The following PKMYT1 variants were observed in gnomAD, a reference collection of about 807,000 sequenced individuals.
PKMYT1 encodes the protein protein kinase, membrane associated tyrosine/threonine 1.
A neutral mutation model predicts 49.7 loss-of-function variants in PKMYT1; 35 were observed. The observed-to-expected ratio is 0.70, with a 90% CI of 0.54 to 0.93. PKMYT1 has a LOEUF of 0.93. PKMYT1 is among the 40% of genes least tolerant of loss of function. PKMYT1 has a pLI of 0.00. For missense variants in PKMYT1, 677 were observed against 673.1 expected (o/e 1.01, Z -0.06); for synonymous variants, 331 against 287.6 (o/e 1.15, Z -1.53).
chr16:2,975,557 C>T lies in PKMYT1; in HGVS notation c.634G>A (p.Gly212Ser). ...GASLPEAQVW[G>S]YLRDTLLALA... ...GCAAGCAGCGTGTCCCGCAGGTAGC[C>T]CCAGACCTGGGCCTCAGGCAGGCTG... is the stretch of plus-strand genomic sequence containing the variant. The change falls in exon 4 of 9, where the codon GGC becomes AGC. Residue 212 changes from glycine to serine, a missense_variant. Gly to Ser is a moderately conservative substitution (Grantham distance 56). Coordinates refer to ENST00000262300, the MANE Select transcript of PKMYT1 (RefSeq NM_004203.5). The T allele has an allele frequency of 6.2e-7, 1 of 1,611,992 alleles. No individual in the cohort carries two copies. The highest frequency in any genetic ancestry group is 8.5e-7 in the Non-Finnish European group (1 of 1,179,846).
chr16:2,974,442 G>A (rs368474497), intron 5 of PKMYT1, 25 bp from the exon 6 acceptor site: 591 of 1,594,532 alleles, frequency 3.7e-4, no homozygotes, highest in Non-Finnish European at 4.8e-4. Flanking sequence ...GGGCCACATC[G>A]GGGTCCCAGA....
Position 2,976,787 on chromosome 16 carries a change from C to A in PKMYT1, c.255G>T (p.Arg85=). ...TCTGCAGAGTCTCTGAGGCCTCGCCCCGGAATGACACCCGCCGGGGCTGCA... is the reference window on the plus strand; with the variant it reads ...TCTGCAGAGTCTCTGAGGCCTCGCCACGGAATGACACCCGCCGGGGCTGCA... The part of the protein sequence containing the change: ...HQLQPRRVSF[R]GEASETLQSP... Residue 85 remains arginine, a synonymous_variant, in exon 3 of 9, where the codon CGG becomes CGT. Transcript: ENST00000262300. 6.3e-7 allele frequency: 1 copy of A among 1,578,434 alleles called. No individual in the cohort carries two copies. Among genetic ancestry groups the A allele is most frequent in the Non-Finnish European group, 8.6e-7 (1 of 1,160,370 alleles).
At chr16:2,975,188 C>T (rs2072151721) in intron 4 of PKMYT1, 131 bp downstream of exon 4, 6 of 1,126,314 alleles carry the variant, frequency 5.3e-6, no homozygotes, top group South Asian at 3.3e-5. Flanking sequence ...GCAGGGATGG[C>T]GTCTCAGCCT....
Position 2,975,786 on chromosome 16 carries a change from G to A in PKMYT1, c.405C>T (p.Leu135=). 6.3e-7 allele frequency: 1 copy of A among 1,597,184 alleles called. No individual in the cohort carries two copies. Residue 135 remains leucine, a synonymous_variant, in exon 4 of 9, where the codon CTC becomes CTT. Transcript: ENST00000262300. ...GTGACATGGAACGCTTTACCGCATA[G>A]AGCCGGCCGTCCTCCTTGGAGCGCA... ...FKVRSKEDGR[L]YAVKRSMSPF...
Position 2,973,678 on chromosome 16 carries a change from CCA to C in PKMYT1, c.1310+320_1310+321del, listed in dbSNP as rs2072083087. 5.0e-5 allele frequency: 23 copies of C among 459,368 alleles called. 1 individual carries two copies. The South Asian group carries it at 5.1e-4, about 10-fold the overall frequency. The allele number at this position is 459,368 out of a possible 1,614,324, so 28.5% of individuals were successfully genotyped here. ...TTCCCAGGGCAGGGCTCCCCAGACT[CCA>C]GAGGCTTTCTCTTCCCAGAGAAGGG... On this transcript the variant is annotated intron_variant, in intron 7 of 8. Coordinates refer to ENST00000262300, the MANE Select transcript of PKMYT1 (RefSeq NM_004203.5).
intron 2 of PKMYT1, chr16:2,977,612 A>G (rs757674355): frequency 1.4e-4 from 70 of 511,080 alleles, no homozygotes; most frequent in Non-Finnish European, 1.7e-4. Context: ...GCCTCTGGGC[A>G]TGGTGCCCAG....
chr16:2,976,564 G>C, intron 3 of PKMYT1, 100 bp downstream of exon 3: 2 of 1,211,686 alleles, frequency 1.7e-6, no homozygotes, highest in Non-Finnish European at 2.2e-6. Flanking sequence ...TGTAGGGAAC[G>C]GAAGGGGATC....
intron 6 of PKMYT1, 31 bp from the exon 7 acceptor site, chr16:2,974,188 G>C (rs1413933115): frequency 6.4e-7 from 1 of 1,571,392 alleles, no homozygotes; most frequent in African/African-American, 1.3e-5. Flanking sequence ...GGATGTGGGT[G>C]GGCGGACCCC....
chr16:2,974,472 C>T (rs888515069), intron 5 of PKMYT1, 55 bp from the exon 6 acceptor site: 1 of 1,555,134 alleles, frequency 6.4e-7, no homozygotes, highest in Middle Eastern at 1.7e-4. Flanking sequence ...GCACCCTGAG[C>T]CCAGCAGTGC....
At position 2,976,787 on chromosome 16, in the gene PKMYT1, C is replaced by T; in HGVS notation, c.255G>A (p.Arg85=). Reference sequence around the variant, plus strand: ...TCTGCAGAGTCTCTGAGGCCTCGCCCCGGAATGACACCCGCCGGGGCTGCA... The same window carrying T: ...TCTGCAGAGTCTCTGAGGCCTCGCCTCGGAATGACACCCGCCGGGGCTGCA... ...HQLQPRRVSF[R]GEASETLQSP... The change falls in exon 3 of 9, where the codon CGG becomes CGA. Residue 85 remains arginine, a synonymous_variant. Transcript: ENST00000262300. The T allele has an allele frequency of 8.9e-6, 14 of 1,578,434 alleles. No individual in the cohort carries two copies. The highest frequency in any genetic ancestry group is 1.2e-5 in the Non-Finnish European group (14 of 1,160,370).
intron 7 of PKMYT1, among the ~76,000 whole-genome samples, chr16:2,973,776 G>A (rs926893569): frequency 7.2e-5 from 11 of 152,164 alleles, no homozygotes; most frequent in Non-Finnish European, 8.8e-5. Flanking sequence ...ACTCCCTGGG[G>A]TGCTGGTGCC....
intron 2 of PKMYT1, 40 bp from the exon 3 acceptor site, chr16:2,977,071 C>T (rs751130988): frequency 6.3e-7 from 1 of 1,588,416 alleles, no homozygotes; most frequent in East Asian, 2.3e-5. Flanking sequence ...GGCAGCATGT[C>T]CACTCTGATA....
At chr16:2,979,487 G>A (rs139677982) in intron 2 of PKMYT1, 161 bp downstream of exon 2, 1 of 650,524 alleles carries the variant, frequency 1.5e-6, no homozygotes, top group Non-Finnish European at 2.8e-6. Context: ...AACTACCTCA[G>A]AGTCCCAGCC....
intron 7 of PKMYT1, chr16:2,973,555 C>T: frequency 1.0e-5 from 9 of 891,342 alleles, no homozygotes; most frequent in Non-Finnish European, 1.4e-5. Flanking sequence ...AAGGAAGGGG[C>T]TAACGGCAGA....
Position 2,972,828 on chromosome 16 carries a change from A to T in PKMYT1, c.*125T>A, listed in dbSNP as rs2072034095. On this transcript the variant is annotated 3_prime_UTR_variant, in exon 9 of 9. Coordinates refer to ENST00000262300, the MANE Select transcript of PKMYT1 (RefSeq NM_004203.5). ...CAAGCTTGGGTGCTCCCAAGGTTCA[A>T]ATACTTTTTATTAGACACGGCCAGG... 2 of 1,534,340 alleles carry T rather than the reference A, an allele frequency of 1.3e-6. No individual in the cohort carries two copies. The highest frequency in any genetic ancestry group is 1.4e-5 in the African/African-American group (1 of 72,630).
intron 2 of PKMYT1, among the ~76,000 whole-genome samples, chr16:2,977,937 AAGCATAGAAT>A (rs1202831771): frequency 6.6e-6 from 1 of 152,178 alleles, no homozygotes; most frequent in African/African-American, 2.4e-5. Context: ...ACCTGCCCCC[AAGCATAGAAT>A]AGAGGCTATA....
chr16:2,975,984 C>T (rs1490447978), intron 3 of PKMYT1, 172 bp from the exon 4 acceptor site: 2 of 714,434 alleles, frequency 2.8e-6, no homozygotes, highest in East Asian at 2.7e-5. Flanking sequence ...AGACAAACCT[C>T]CATCCCTCGG....
intron 2 of PKMYT1, 165 bp from the exon 3 acceptor site, chr16:2,977,196 G>A (rs2072221252): frequency 2.1e-6 from 3 of 1,450,500 alleles, no homozygotes; most frequent in East Asian, 2.5e-5. Context: ...AAAAGGCAGA[G>A]GACAGATTCA....
intron 1 of PKMYT1, 133 bp from the exon 2 acceptor site, chr16:2,980,045 G>T: frequency 3.9e-6 from 1 of 255,424 alleles, no homozygotes; most frequent in Non-Finnish European, 7.7e-6. Flanking sequence ...GGGGTTGATG[G>T]ACAGCAGGCG....
Sources: allele counts gnomAD v4.1 joint callset (sites outside exome capture counted in the v4.1 genomes callset), GRCh38; gene constraint gnomAD v4.1.1; transcripts MANE v1.5; gene names NCBI Gene and HGNC (gene_info 2026-07-23, HGNC 2026-07-21).